The following ZNF410 variants were observed in gnomAD, a reference collection of about 807,000 sequenced individuals.
ZNF410 encodes zinc finger protein 410.
Under a neutral mutation model 54.8 loss-of-function variants are expected in ZNF410, and 18 were observed. The observed-to-expected ratio is 0.33, with a 90% CI of 0.23 to 0.49. The LOEUF (loss-of-function observed/expected upper bound fraction) is 0.49, where lower values mean the gene tolerates loss of function less well. Ranked by LOEUF, ZNF410 falls within the 20% of genes least tolerant of loss-of-function variation. ZNF410 has a pLI of 0.99. For missense variants in ZNF410, 405 were observed against 569.6 expected, an observed-to-expected ratio of 0.71 and a Z score of 2.94; for synonymous variants, 191 against 207.3, an observed-to-expected ratio of 0.92 and a Z score of 0.68.
intron 10 of ZNF410, chr14:73,922,471 A>G (rs1366933254): frequency 8.3e-6 from 2 of 240,924 alleles, no homozygotes; most frequent in African/African-American, 2.2e-5. Flanking sequence ...TAGCCCAACT[A>G]TTTCTATCTT....
intron 6 of ZNF410, 118 bp from the exon 7 acceptor site, chr14:73,904,784 T>A: frequency 8.8e-7 from 1 of 1,137,158 alleles, no homozygotes; most frequent in Non-Finnish European, 1.2e-6. Flanking sequence ...TTCAGTTGAT[T>A]CTGATATATC....
chr14:73,890,555 T>G (rs2055213315), intron 1 of ZNF410, among the ~76,000 whole-genome samples: 1 of 152,120 alleles, frequency 6.6e-6, no homozygotes, highest in African/African-American at 2.4e-5. Context: ...ATTGGAAACT[T>G]TAAAGTACCC....
chr14:73,923,885 A>C (rs941184396), intron 11 of ZNF410, among the ~76,000 whole-genome samples: 2 of 152,214 alleles, frequency 1.3e-5, no homozygotes, highest in African/African-American at 4.8e-5. Flanking sequence ...TATTCAGAGA[A>C]GAGGGCCTGG....
Position 73,904,989 on chromosome 14 carries a change from C to T in ZNF410, c.819C>T (p.His273=). Residue 273 remains histidine, a synonymous_variant, in exon 7 of 12, where the codon CAC becomes CAT. Coordinates refer to ENST00000555044, the MANE Select transcript of ZNF410 (RefSeq NM_021188.3). ...LQRLKVHMRT[H]NGEKPFMCHE... ...GGCTGAAGGTGCACATGAGGACCCA[C>T]AATGGAGAGAAGCCCTTTATGTGCC... 2 of 1,614,192 alleles carry T rather than the reference C, an allele frequency of 1.2e-6. No individual in the cohort carries two copies. Among genetic ancestry groups the T allele is most frequent in the Non-Finnish European group, 1.7e-6 (2 of 1,180,048 alleles).
intron 8 of ZNF410, chr14:73,915,984 A>T (rs1345813366): frequency 2.6e-5 from 4 of 152,420 alleles, no homozygotes; most frequent in Non-Finnish European, 5.9e-5. Flanking sequence ...TCATGCCTGT[A>T]ATCTCAGCAC....
intron 8 of ZNF410, chr14:73,913,782 T>C (rs554005358): frequency 6.8e-6 from 1 of 147,712 alleles, no homozygotes; most frequent in Admixed American, 6.9e-5. Context: ...CACATCTAGC[T>C]AATTTCTATT....
chr14:73,921,141 T>G, intron 9 of ZNF410, 36 bp downstream of exon 9: 1 of 1,608,196 alleles, frequency 6.2e-7, no homozygotes. Flanking sequence ...GCTGTACTAC[T>G]TCTAGGGTTC....
Position 73,931,623 on chromosome 14 carries a change from C to A in ZNF410, c.*82C>A. On this transcript the variant is annotated 3_prime_UTR_variant, in exon 12 of 12. Coordinates refer to ENST00000555044, the MANE Select transcript of ZNF410 (RefSeq NM_021188.3). ...GGGAACAGGATGCCTTAGCCCACAACAGAACCAGAATGAATCTTTGAAGGC... is the reference window on the plus strand; with the variant it reads ...GGGAACAGGATGCCTTAGCCCACAAAAGAACCAGAATGAATCTTTGAAGGC... 3.9e-6 allele frequency: 5 copies of A among 1,287,448 alleles called. No homozygotes were observed. Among genetic ancestry groups the A allele is most frequent in the East Asian group, 2.3e-5 (1 of 42,956 alleles). 79.8% of individuals were successfully genotyped at this position (1,287,448 alleles called of 1,614,324 possible).
At chr14:73,904,807 T>G in intron 6 of ZNF410, 95 bp from the exon 7 acceptor site, 2 of 1,385,090 alleles carry the variant, frequency 1.4e-6, no homozygotes, top group Non-Finnish European at 1.9e-6. Flanking sequence ...GTTTTTGGAC[T>G]TACTGTTTGC....
chr14:73,932,283 T>C lies in ZNF410; in HGVS notation c.*742T>C. The C allele has an allele frequency of 3.0e-6, 1 of 335,168 alleles. No homozygotes were observed. The highest frequency in any genetic ancestry group is 2.4e-5 in the South Asian group (1 of 41,642). The allele number at this position is 335,168 out of a possible 1,614,324, so 20.8% of individuals were successfully genotyped here. A position where few individuals can be genotyped will look rare whatever the true frequency, so the allele number is the denominator to read the frequency against. ...ATAAACAAAACAGCCCAGTCAGTTC[T>C]TTGGCTCTTGTTTTATACAAAATTT... On this transcript the variant is annotated 3_prime_UTR_variant, in exon 12 of 12. Transcript: ENST00000555044.
chr14:73,906,616 A>G (rs2055494542), intron 7 of ZNF410, among the ~76,000 whole-genome samples: 1 of 152,090 alleles, frequency 6.6e-6, no homozygotes, highest in African/African-American at 2.4e-5. Flanking sequence ...AGTAGCTGGG[A>G]TTACAGGTGT....
intron 1 of ZNF410, among the ~76,000 whole-genome samples, chr14:73,890,567 T>C (rs2055213592): frequency 3.3e-5 from 5 of 152,188 alleles, no homozygotes; most frequent in Admixed American, 3.3e-4. Context: ...AAAGTACCCA[T>C]TGATTGAAAA....
intron 8 of ZNF410, chr14:73,915,879 C>T (rs2055659355): frequency 6.6e-6 from 1 of 152,068 alleles, no homozygotes; most frequent in Non-Finnish European, 1.5e-5. Flanking sequence ...GGGTAAATCC[C>T]ATTTGGTCAG....
At chr14:73,901,925 C>A (rs140755838) in intron 5 of ZNF410, among the ~76,000 whole-genome samples, 36 of 148,340 alleles carry the variant, frequency 2.4e-4, no homozygotes, top group African/African-American at 9.0e-4. Context: ...CAAAATGAGA[C>A]CCTGTCTCAA....
At chr14:73,893,628 T>C in intron 2 of ZNF410, 169 bp from the exon 3 acceptor site, 1 of 739,292 alleles carries the variant, frequency 1.4e-6, no homozygotes, top group South Asian at 3.4e-5. Flanking sequence ...TCAGCTGTTC[T>C]CTAGAACAGA....
chr14:73,894,113 T>A (rs2055273882), intron 3 of ZNF410, among the ~76,000 whole-genome samples, 181 bp downstream of exon 3: 1 of 152,114 alleles, frequency 6.6e-6, no homozygotes. Flanking sequence ...GCCATAGGAA[T>A]GGATATGATC....
chr14:73,929,142 C>T (rs191060347), intron 11 of ZNF410, among the ~76,000 whole-genome samples: 31 of 152,324 alleles, frequency 2.0e-4, no homozygotes, highest in African/African-American at 7.5e-4. Flanking sequence ...CTGTCTGAGC[C>T]TCACTTCTTT....
chr14:73,898,595 C>A, intron 5 of ZNF410: 1 of 415,350 alleles, frequency 2.4e-6, no homozygotes, highest in Non-Finnish European at 4.2e-6. Context: ...ACTTCATATA[C>A]TTAGAGCTCT....
intron 2 of ZNF410, chr14:73,893,168 A>G (rs1040859438): frequency 7.2e-5 from 11 of 152,220 alleles, no homozygotes; most frequent in South Asian, 4.1e-4. Flanking sequence ...AAATGTAATC[A>G]ATATGATGCA....
Sources: allele counts gnomAD v4.1 joint callset (sites outside exome capture counted in the v4.1 genomes callset), GRCh38; gene constraint gnomAD v4.1.1; transcripts MANE v1.5; gene names NCBI Gene and HGNC (gene_info 2026-07-23, HGNC 2026-07-21).